The following NOL4 variants were observed in gnomAD, a reference collection of about 807,000 sequenced individuals.
The protein encoded by NOL4 is nucleolar protein 4, also known as cancer/testis antigen 125.
Under a neutral mutation model 75.9 loss-of-function variants are expected in NOL4, and 17 were observed. The observed-to-expected ratio is 0.22, with a 90% confidence interval of 0.15 to 0.34. NOL4 has a LOEUF of 0.34. Among genes scored for constraint, NOL4 ranks in the 10% least tolerant of loss-of-function variants. NOL4 has a pLI of 1.00. For missense variants in NOL4, 614 were observed against 793.5 expected (o/e 0.77, Z 2.72); for synonymous variants, 292 against 289.9 (o/e 1.01, Z -0.07).
intron 1 of NOL4, among the ~76,000 whole-genome samples, chr18:34,197,672 T>G (rs2035430218): frequency 6.6e-6 from 1 of 151,842 alleles, no homozygotes. Flanking sequence ...AGATGAGACC[T>G]GAAGGATGTA....
At chr18:34,002,148 A>T (rs562617825) in intron 6 of NOL4, among the ~76,000 whole-genome samples, 2 of 152,216 alleles carry the variant, frequency 1.3e-5, no homozygotes, top group East Asian at 3.9e-4. Flanking sequence ...CAGTTTTAAA[A>T]CTAAAATCTT....
chr18:33,889,179 A>G lies in NOL4; in HGVS notation c.1543-5755T>C, dbSNP rs370473078. Among the ~76,000 whole-genome samples, 7 of 152,232 alleles carry G rather than the reference A, an allele frequency of 4.6e-5. No homozygotes were observed. The East Asian group carries it at 1.2e-3, about 25-fold the overall frequency. ...TCAAATAGATGCAACAGAAAATGAT[A>G]AAGGGGATATCACCACTGATCCCAC... On this transcript the variant is annotated intron_variant, in intron 9 of 10. Transcript: ENST00000261592.
At chr18:33,935,475 C>A (rs957184656) in intron 9 of NOL4, among the ~76,000 whole-genome samples, 4 of 151,988 alleles carry the variant, frequency 2.6e-5, no homozygotes, top group Non-Finnish European at 4.4e-5. Context: ...AAAATACACA[C>A]ATTTATTAAG....
At chr18:34,102,647 G>T (rs146495504) in intron 4 of NOL4, among the ~76,000 whole-genome samples, 74 of 152,018 alleles carry the variant, frequency 4.9e-4, no homozygotes, top group Non-Finnish European at 9.1e-4. Flanking sequence ...ATATGTGGGC[G>T]CATTGTTGGC....
At chr18:33,895,337 T>G (rs1230143709) in intron 9 of NOL4, among the ~76,000 whole-genome samples, 1 of 152,060 alleles carries the variant, frequency 6.6e-6, no homozygotes, top group African/African-American at 2.4e-5. Flanking sequence ...AAAGTAAAAA[T>G]GGAGACTCAA....
intron 10 of NOL4, among the ~76,000 whole-genome samples, chr18:33,875,068 T>C (rs2063869719): frequency 6.6e-6 from 1 of 151,916 alleles, no homozygotes; most frequent in African/African-American, 2.4e-5. Flanking sequence ...TATAACAGAG[T>C]TGAAAAACAA....
At chr18:33,890,440 C>T (rs1169196915) in intron 9 of NOL4, among the ~76,000 whole-genome samples, 2 of 152,004 alleles carry the variant, frequency 1.3e-5, no homozygotes, top group Admixed American at 1.3e-4. Context: ...GTGAAAATGG[C>T]CATACTGCCC....
chr18:34,146,139 C>T (rs1376562074), intron 1 of NOL4, among the ~76,000 whole-genome samples: 1 of 152,062 alleles, frequency 6.6e-6, no homozygotes, highest in Non-Finnish European at 1.5e-5. Context: ...CTTACACTTG[C>T]TGTTGCTTCC....
intron 5 of NOL4, among the ~76,000 whole-genome samples, chr18:34,084,377 G>T (rs1394713193): frequency 6.6e-6 from 1 of 152,142 alleles, no homozygotes; most frequent in Non-Finnish European, 1.5e-5. Context: ...TGCTGAAATT[G>T]TAACAGGGAG....
At chr18:33,958,015 CT>C (rs1200339317) in intron 7 of NOL4, among the ~76,000 whole-genome samples, 2 of 152,132 alleles carry the variant, frequency 1.3e-5, no homozygotes, top group East Asian at 3.8e-4. Flanking sequence ...AACATGCATA[CT>C]CACACAACAC....
Position 34,202,595 on chromosome 18 carries a change from G to A in NOL4, c.264+20395C>T, listed in dbSNP as rs545152447. On this transcript the variant is annotated intron_variant, in intron 1 of 10. Transcript: ENST00000261592. ...GTGACACACAATCTATAAGGTGAACGTATTGATGGTGGAGATGACTAAACT... is the reference window on the plus strand; with the variant it reads ...GTGACACACAATCTATAAGGTGAACATATTGATGGTGGAGATGACTAAACT... Among the ~76,000 whole-genome samples the A allele has an allele frequency of 5.9e-4, 90 of 152,022 alleles. 1 individual carries two copies. Among genetic ancestry groups the A allele is most frequent in the Admixed American group, 2.6e-3 (40 of 15,206 alleles).
At chr18:34,035,130 AC>A (rs559240983) in intron 5 of NOL4, among the ~76,000 whole-genome samples, 1 of 152,212 alleles carries the variant, frequency 6.6e-6, no homozygotes, top group African/African-American at 2.4e-5. Flanking sequence ...ATTTAAAAAA[AC>A]ATTACATTTT....
chr18:33,873,987 C>G (rs1472278225), intron 10 of NOL4, among the ~76,000 whole-genome samples: 1 of 151,770 alleles, frequency 6.6e-6, no homozygotes, highest in Non-Finnish European at 1.5e-5. Flanking sequence ...ACCCCAGAGA[C>G]AGGTAATAGT....
At chr18:34,137,777 A>AATAT (rs111423797) in intron 1 of NOL4, among the ~76,000 whole-genome samples, 1 of 47,256 alleles carries the variant, frequency 2.1e-5, no homozygotes, top group African/African-American at 5.9e-5. Context: ...GTATATACGA[A>AATAT]ATACACACAC....
chr18:33,929,454 G>A (rs2067542725), intron 9 of NOL4, among the ~76,000 whole-genome samples: 1 of 152,112 alleles, frequency 6.6e-6, no homozygotes, highest in Non-Finnish European at 1.5e-5. Context: ...ACAGCAATCT[G>A]ATTACAGACT....
At chr18:33,945,271 T>C (rs1345392206) in intron 8 of NOL4, among the ~76,000 whole-genome samples, 2 of 151,752 alleles carry the variant, frequency 1.3e-5, no homozygotes, top group Non-Finnish European at 2.9e-5. Context: ...TCTCTTTTTT[T>C]CAGCTATCAC....
intron 9 of NOL4, among the ~76,000 whole-genome samples, chr18:33,940,860 C>A (rs1308242526): frequency 6.6e-6 from 1 of 151,912 alleles, no homozygotes. Context: ...CCAAGGACCA[C>A]TGGTCCTCAT....
chr18:34,026,122 T>C (rs1170366348), intron 5 of NOL4, among the ~76,000 whole-genome samples: 1 of 152,228 alleles, frequency 6.6e-6, no homozygotes, highest in Non-Finnish European at 1.5e-5. Context: ...ACAATGGTCA[T>C]TGGCTGTTTT....
At chr18:33,881,010 A>G (rs2064233075) in intron 10 of NOL4, among the ~76,000 whole-genome samples, 1 of 152,020 alleles carries the variant, frequency 6.6e-6, no homozygotes. Context: ...TCTCAAGTTT[A>G]AAAAATTTAC....
Sources: gnomAD v4.1 joint callset for allele counts (sites outside exome capture counted in the v4.1 genomes callset) on GRCh38, gnomAD v4.1.1 for gene constraint, MANE v1.5 for transcripts, NCBI Gene and HGNC (gene_info 2026-07-23, HGNC 2026-07-21) for gene names.